Variants in SFI1 observed in about 807,000 individuals in gnomAD.
SFI1 encodes the protein SFI1 centrin binding protein, also known as protein SFI1 homolog.
In SFI1, 195 loss-of-function variants were observed where a neutral mutation model predicts 207.5. The ratio of observed to expected loss-of-function variants is 0.94; its 90% CI spans 0.84 to 1.06. The LOEUF (loss-of-function observed/expected upper bound fraction) is 1.06, where lower values mean the gene tolerates loss of function less well. Ranked by LOEUF, SFI1 falls within the 50% of genes least tolerant of loss-of-function variation. The pLI, the probability that SFI1 is intolerant of heterozygous loss-of-function variation, is 0.00. For missense variants in SFI1, 1,634 were observed against 1,588.0 expected, an observed-to-expected ratio of 1.03 and a Z score of -0.49; for synonymous variants, 630 against 598.9, an observed-to-expected ratio of 1.05 and a Z score of -0.76.
chr22:31,613,002 A>T, intron 24 of SFI1, 140 bp from the exon 25 acceptor site: 2 of 797,948 alleles, frequency 2.5e-6, no homozygotes. Flanking sequence ...CGCCAGGCAC[A>T]AGGCTGGCCC....
At chr22:31,588,015 A>G (rs1023950673) in intron 14 of SFI1, 6 of 152,192 alleles carry the variant, frequency 3.9e-5, no homozygotes, top group African/African-American at 1.4e-4. Flanking sequence ...GCTATGTAAA[A>G]AATCACCCCA....
intron 2 of SFI1, among the ~76,000 whole-genome samples, chr22:31,524,761 T>C (rs149201769): frequency 3.3e-5 from 5 of 151,336 alleles, no homozygotes; most frequent in African/African-American, 9.7e-5. Flanking sequence ...ATATTAATCC[T>C]CTGTCAGATA....
intron 8 of SFI1, among the ~76,000 whole-genome samples, chr22:31,572,480 G>A (rs547243618): frequency 1.2e-4 from 18 of 151,974 alleles, no homozygotes; most frequent in African/African-American, 4.3e-4. Flanking sequence ...ATCACCCCTC[G>A]GATTGTTTCT....
At chr22:31,613,063 C>T (rs949087703) in intron 24 of SFI1, 79 bp from the exon 25 acceptor site, 64 of 1,484,294 alleles carry the variant, frequency 4.3e-5, no homozygotes, top group South Asian at 8.4e-5. Flanking sequence ...CCAAGAGGGA[C>T]GAGCTGGGCA....
chr22:31,572,829 C>A (rs1182000855), intron 8 of SFI1: 3 of 396,320 alleles, frequency 7.6e-6, no homozygotes, highest in African/African-American at 2.0e-5. Context: ...TGATTTTATT[C>A]TTCTTTTTTT....
At chr22:31,617,952 T>C (rs139526882) in intron 31 of SFI1, among the ~76,000 whole-genome samples, 163 bp from the exon 32 acceptor site, 4 of 152,056 alleles carry the variant, frequency 2.6e-5, no homozygotes, top group Non-Finnish European at 5.9e-5. Context: ...GAACAAGTGT[T>C]TGGCTCCCAA....
intron 15 of SFI1, among the ~76,000 whole-genome samples, chr22:31,597,981 GTT>G (rs538696335): frequency 1.4e-5 from 2 of 144,108 alleles, no homozygotes; most frequent in Non-Finnish European, 3.1e-5. Context: ...GTTTTCATAG[GTT>G]TTTTTTTTTT....
chr22:31,532,439 T>C (rs1249218771), intron 4 of SFI1, among the ~76,000 whole-genome samples: 1 of 152,148 alleles, frequency 6.6e-6, no homozygotes, highest in Non-Finnish European at 1.5e-5. Flanking sequence ...AAGGGACCAG[T>C]GCGAGGTATG....
In SFI1 at chr22:31,618,314, G is replaced by T. The variant is rs772097466; in HGVS notation, c.3625G>T (p.Val1209Leu). 2 of 1,608,946 alleles carry T rather than the reference G, an allele frequency of 1.2e-6. No individual in the cohort carries two copies. The highest frequency in any genetic ancestry group is 2.2e-5 in the South Asian group (2 of 90,786). Residue 1209 changes from valine (V) to leucine (L), a missense_variant and splice_region_variant, in exon 33 of 33, where the codon GTG becomes TTG. Coordinates refer to ENST00000400288, the MANE Select transcript of SFI1 (RefSeq NM_001007467.3). ...CCTGCCTGTCCCTCCATGGCCCCAGGTGGAAATGCAGATCCAGCTGCTGGC... is the reference window on the plus strand; with the variant it reads ...CCTGCCTGTCCCTCCATGGCCCCAGTTGGAAATGCAGATCCAGCTGCTGGC... ...EQQVQKELEQ[V>L]EMQIQLLAEE...
At chr22:31,570,169 A>G (rs994301230) in intron 8 of SFI1, among the ~76,000 whole-genome samples, 15 of 152,258 alleles carry the variant, frequency 9.9e-5, no homozygotes, top group Admixed American at 5.9e-4. Context: ...ATGATCAAGG[A>G]TATAAACAGG....
At position 31,513,183 on chromosome 22, in the gene SFI1, G is replaced by A. The variant is rs563259020; in HGVS notation, c.92+4807G>A. Among the ~76,000 whole-genome samples, 17 of 152,046 alleles carry A rather than the reference G, an allele frequency of 1.1e-4. No individual in the cohort carries two copies. The South Asian group carries it at 3.5e-3, about 32-fold the overall frequency. On this transcript the variant is annotated intron_variant, in intron 2 of 32. Coordinates refer to ENST00000400288, the MANE Select transcript of SFI1 (RefSeq NM_001007467.3). ...TGACTTTTTTTTTTCTTTTGAGACA[G>A]GGTCTCGCTTTGTTGCCCAGGCTGG...
At chr22:31,614,331 C>G in intron 27 of SFI1, 1 of 363,910 alleles carries the variant, frequency 2.7e-6, no homozygotes, top group South Asian at 2.2e-5. Context: ...CAAACCCTAA[C>G]CTGCCCTGCC....
chr22:31,597,710 A>T (rs1031523857), intron 15 of SFI1, among the ~76,000 whole-genome samples: 2 of 152,304 alleles, frequency 1.3e-5, no homozygotes, highest in South Asian at 4.1e-4. Context: ...TGGTAAGTAC[A>T]TTTTCAGAGG....
Position 31,553,351 on chromosome 22 carries a change from T to C in SFI1, c.544+3003T>C, listed in dbSNP as rs1447818502. 3.3e-5 allele frequency among the ~76,000 whole-genome samples: 5 copies of C among 151,750 alleles called. 1 individual carries two copies. The highest frequency in any genetic ancestry group is 3.3e-4 in the Admixed American group (5 of 15,200). On this transcript the variant is annotated intron_variant, in intron 6 of 32. Transcript: ENST00000400288. ...TTTTTGAGATTTGAAAGTTTTTTGT[T>C]TGTTTGGTTGGTTTGGTTTTTTTTG...
intron 9 of SFI1, among the ~76,000 whole-genome samples, chr22:31,574,523 T>C (rs2063276048): frequency 6.6e-6 from 1 of 152,252 alleles, no homozygotes; most frequent in Non-Finnish European, 1.5e-5. Context: ...CTGAATTTTA[T>C]GTCATTGACT....
intron 8 of SFI1, among the ~76,000 whole-genome samples, chr22:31,562,529 A>C (rs2061819162): frequency 6.6e-6 from 1 of 151,990 alleles, no homozygotes; most frequent in African/African-American, 2.4e-5. Context: ...TCTAATTTTC[A>C]TAAACCTTTT....
At chr22:31,514,047 T>G (rs1443822059) in intron 2 of SFI1, among the ~76,000 whole-genome samples, 3 of 149,524 alleles carry the variant, frequency 2.0e-5, no homozygotes, top group Non-Finnish European at 4.4e-5. Flanking sequence ...GGCAGGAGAA[T>G]CACTTGAATC....
chr22:31,573,260 G>A, intron 9 of SFI1, 46 bp downstream of exon 9: 1 of 1,598,936 alleles, frequency 6.3e-7, no homozygotes, highest in South Asian at 1.1e-5. Context: ...TCTGGTCACA[G>A]TTTCACTCTC....
At chr22:31,612,814 A>G in intron 24 of SFI1, 1 of 341,118 alleles carries the variant, frequency 2.9e-6, no homozygotes, top group Non-Finnish European at 5.5e-6. Context: ...AAGAGGGATC[A>G]CACAGAGCAG....
Sources: allele counts gnomAD v4.1 joint callset (sites outside exome capture counted in the v4.1 genomes callset), GRCh38; gene constraint gnomAD v4.1.1; transcripts MANE v1.5; gene names NCBI Gene and HGNC (gene_info 2026-07-23, HGNC 2026-07-21).